The following RBPJ variants were observed in gnomAD, a reference collection of about 807,000 sequenced individuals.
RBPJ encodes the protein recombination signal binding protein for immunoglobulin kappa J region, also known as recombining binding protein suppressor of hairless.
In RBPJ, 9 loss-of-function variants were observed where a neutral mutation model predicts 67.8. The observed-to-expected ratio is 0.13, with a 90% CI of 0.08 to 0.23. RBPJ has a LOEUF of 0.23. RBPJ is among the 10% of genes least tolerant of loss of function. The probability of loss-of-function intolerance (pLI) is 1.00; values close to 1 mark genes in which losing one functional copy is unlikely to be tolerated. For synonymous variants in RBPJ, 198 were observed against 203.3 expected (o/e 0.97, Z 0.22); for missense variants, 305 against 595.6 (o/e 0.51, Z 5.08).
At chr4:26,328,635 G>A (rs1360187947) in intron 1 of RBPJ, among the ~76,000 whole-genome samples, 2 of 152,072 alleles carry the variant, frequency 1.3e-5, no homozygotes, top group African/African-American at 4.8e-5. Context: ...TTGGCTGGTT[G>A]GTGTTTTTTA....
chr4:26,194,350 G>A (rs1717676342), intron 1 of RBPJ, among the ~76,000 whole-genome samples: 2 of 152,166 alleles, frequency 1.3e-5, no homozygotes, highest in Non-Finnish European at 2.9e-5. Context: ...ACATGCACAT[G>A]AGCACACACA....
chr4:26,184,664 C>T (rs1560201299), intron 1 of RBPJ, among the ~76,000 whole-genome samples: 1 of 152,044 alleles, frequency 6.6e-6, no homozygotes, highest in African/African-American at 2.4e-5. Flanking sequence ...TGATCTTTGT[C>T]AATCCTCATA....
intron 1 of RBPJ, among the ~76,000 whole-genome samples, chr4:26,215,348 A>AAAGAAAG (rs151116498): frequency 3.0e-4 from 7 of 23,336 alleles, no homozygotes; most frequent in Non-Finnish European, 4.5e-4. Context: ...AGAAAGAAAG[A>AAAGAAAG]AAAAAAGAAG....
At chr4:26,355,488 A>C (rs1367002380) in intron 1 of RBPJ, among the ~76,000 whole-genome samples, 1 of 35,896 alleles carries the variant, frequency 2.8e-5, no homozygotes, top group Admixed American at 4.5e-4. Context: ...TCTCTACCAA[A>C]AAAAAAAAAA....
chr4:26,231,087 C>T (rs1397260378), intron 1 of RBPJ, among the ~76,000 whole-genome samples: 2 of 152,142 alleles, frequency 1.3e-5, no homozygotes, highest in Non-Finnish European at 2.9e-5. Context: ...AAGAAACAGC[C>T]ATTTCTGCGA....
At position 26,241,867 on chromosome 4, in the gene RBPJ, A is replaced by T. The variant is rs114607236; in HGVS notation, c.-167+78253A>T. 8.8e-3 allele frequency among the ~76,000 whole-genome samples: 1,341 copies of T among 152,062 alleles called. 20 individuals carry two copies. The highest frequency in any genetic ancestry group is 0.024 in the African/African-American group (1,013 of 41,496). On this transcript the variant is annotated intron_variant, in intron 1 of 4. Coordinates refer to the RBPJ transcript ENST00000512351. ...AAACTCCTCTTAAGGGGGAATTTTT[A>T]AAAAAATTGTACTTCCAATGAGAAT...
chr4:26,413,668 T>G (rs917512821), intron 3 of RBPJ, among the ~76,000 whole-genome samples: 1 of 152,174 alleles, frequency 6.6e-6, no homozygotes, highest in Non-Finnish European at 1.5e-5. Context: ...CATTAATATA[T>G]TTTCAGTCAG....
the RBPJ span, among the ~76,000 whole-genome samples, chr4:26,146,315 T>A: frequency 3.3e-5 from 5 of 152,282 alleles, no homozygotes; most frequent in African/African-American, 1.2e-4. Flanking sequence ...TTTTAACAAA[T>A]GGTTCTGGGA....
chr4:26,364,625 CTT>C (rs932946481), intron 1 of RBPJ, among the ~76,000 whole-genome samples: 3 of 105,502 alleles, frequency 2.8e-5, no homozygotes, highest in Admixed American at 9.5e-5. Flanking sequence ...TTTTCATTTT[CTT>C]TTTTTTTTTT....
the RBPJ span, among the ~76,000 whole-genome samples, chr4:26,136,666 G>A: frequency 6.6e-6 from 1 of 152,120 alleles, no homozygotes; most frequent in African/African-American, 2.4e-5. Flanking sequence ...ATCATAACAG[G>A]CCCTTAGAAA....
At chr4:26,127,332 G>A in the RBPJ span, among the ~76,000 whole-genome samples, 1 of 152,210 alleles carries the variant, frequency 6.6e-6, no homozygotes, top group Non-Finnish European at 1.5e-5. Flanking sequence ...ATCACTGACA[G>A]TGAGAATCTG....
At chr4:26,149,955 C>T in the RBPJ span, among the ~76,000 whole-genome samples, 7 of 152,326 alleles carry the variant, frequency 4.6e-5, no homozygotes, top group Admixed American at 3.3e-4. Flanking sequence ...CGTTTCTTAG[C>T]CTCTCCAGTG....
the RBPJ span, among the ~76,000 whole-genome samples, chr4:26,147,474 C>A: frequency 6.6e-6 from 1 of 152,246 alleles, no homozygotes; most frequent in Non-Finnish European, 1.5e-5. Flanking sequence ...GCCGAATCAA[C>A]TTCTCCCAGG....
At chr4:26,241,213 A>T (rs533059452) in intron 1 of RBPJ, among the ~76,000 whole-genome samples, 25 of 152,176 alleles carry the variant, frequency 1.6e-4, no homozygotes, top group South Asian at 8.3e-4. Context: ...TAAAAAAAAA[A>T]AAAAAAAAAT....
At chr4:26,293,913 A>G (rs1339189766) in intron 1 of RBPJ, among the ~76,000 whole-genome samples, 1 of 151,818 alleles carries the variant, frequency 6.6e-6, no homozygotes, top group Admixed American at 6.6e-5. Flanking sequence ...ATGTGCCACC[A>G]CACTCAGCTA....
intron 1 of RBPJ, among the ~76,000 whole-genome samples, chr4:26,210,807 C>CTTTCT (rs1718393300): frequency 7.6e-6 from 1 of 131,752 alleles, no homozygotes; most frequent in South Asian, 2.5e-4. Flanking sequence ...TTCTTTCTTT[C>CTTTCT]TTTTCTCCTG....
At chr4:26,172,869 A>C (rs1294737242) in intron 1 of RBPJ, among the ~76,000 whole-genome samples, 1 of 152,208 alleles carries the variant, frequency 6.6e-6, no homozygotes, top group Non-Finnish European at 1.5e-5. Flanking sequence ...ATTCAAATCC[A>C]GGTCTGTCTT....
chr4:26,140,963 C>T, the RBPJ span, among the ~76,000 whole-genome samples: 1 of 152,164 alleles, frequency 6.6e-6, no homozygotes, highest in Admixed American at 6.5e-5. Context: ...AACAATTCAT[C>T]TCCTCTTTCT....
intron 1 of RBPJ, among the ~76,000 whole-genome samples, chr4:26,169,801 G>A (rs575854055): frequency 6.6e-4 from 100 of 152,284 alleles, no homozygotes; most frequent in Admixed American, 1.5e-3. Flanking sequence ...CCCCAGCCTC[G>A]CTGCCGCCTT....
Sources: gnomAD v4.1 joint callset for allele counts (sites outside exome capture counted in the v4.1 genomes callset) on GRCh38, gnomAD v4.1.1 for gene constraint, MANE v1.5 for transcripts, NCBI Gene and HGNC (gene_info 2026-07-23, HGNC 2026-07-21) for gene names.